FSD2: variants seen among roughly 807,000 people sequenced by gnomAD.
FSD2 encodes fibronectin type III and SPRY domain-containing protein 2.
Under a neutral mutation model 80.4 loss-of-function variants are expected in FSD2, and 71 were observed. That is an observed-to-expected ratio of 0.88 (90% CI 0.73 to 1.08). The LOEUF (loss-of-function observed/expected upper bound fraction) is 1.08, where lower values mean the gene tolerates loss of function less well. Among genes scored for constraint, FSD2 ranks in the 50% least tolerant of loss-of-function variants. The pLI is 0.00. For missense variants in FSD2, 923 were observed against 913.8 expected (o/e 1.01, Z -0.13); for synonymous variants, 361 against 329.5 (o/e 1.10, Z -1.03).
At chr15:82,769,622 AG>A (rs2049512763) in intron 8 of FSD2, 127 bp downstream of exon 8, 1 of 1,200,274 alleles carries the variant, frequency 8.3e-7, no homozygotes, top group African/African-American at 1.5e-5. Context: ...GTTAAATAAA[AG>A]AAAAAAATGT....
chr15:82,756,097 A>G lies in FSD2; in HGVS notation c.*3251T>C, dbSNP rs921661275. The G allele has an allele frequency of 1.3e-5, 6 of 452,710 alleles. No homozygotes were observed. The East Asian group carries it at 2.9e-4, about 22-fold the overall frequency. The allele number at this position is 452,710 out of a possible 1,614,324, so 28.0% of individuals were successfully genotyped here. ...ATTACACGCTTTCCATTGTCTTCCT[A>G]TAGAAAATAGGAGTAGTACACTTAT... On this transcript the variant is annotated 3_prime_UTR_variant, in exon 13 of 13. Transcript: ENST00000334574.
intron 1 of FSD2, among the ~76,000 whole-genome samples, chr15:82,790,555 T>TGTGTGTGTGTGTTCGTGC (rs1555480725): frequency 2.0e-5 from 3 of 151,514 alleles, no homozygotes; most frequent in African/African-American, 7.3e-5. Context: ...TGTGTGTGTG[T>TGTGTGTGTGTGTTCGTGC]GTGTGTGTGT....
intron 6 of FSD2, among the ~76,000 whole-genome samples, chr15:82,775,980 C>T (rs1006608955): frequency 1.3e-5 from 2 of 152,122 alleles, no homozygotes; most frequent in African/African-American, 4.8e-5. Flanking sequence ...TTTCATACCA[C>T]TGTGGTCATA....
At chr15:82,789,712 A>G (rs1026244258) in intron 1 of FSD2, among the ~76,000 whole-genome samples, 1 of 152,202 alleles carries the variant, frequency 6.6e-6, no homozygotes, top group African/African-American at 2.4e-5. Context: ...TGCTTGCCAC[A>G]AACATCTGCC....
intron 11 of FSD2, among the ~76,000 whole-genome samples, chr15:82,763,158 A>T (rs1022758313): frequency 6.6e-6 from 1 of 152,208 alleles, no homozygotes; most frequent in African/African-American, 2.4e-5. Flanking sequence ...TGTTGTTTCA[A>T]ATTCAGAATG....
rs752965510 is a variant in FSD2, at chr15:82,760,014, G to C, written c.1998-414C>G. ...TCACTGTGTTGCCCAGGCTGGTCTCGAACTCCTGAGCTCAGGCAGTCCACT... is the reference window on the plus strand; with the variant it reads ...TCACTGTGTTGCCCAGGCTGGTCTCCAACTCCTGAGCTCAGGCAGTCCACT... On this transcript the variant is annotated intron_variant, in intron 12 of 12. Coordinates refer to ENST00000334574, the MANE Select transcript of FSD2 (RefSeq NM_001007122.4). Among the ~76,000 whole-genome samples, 23 of 152,032 alleles carry C rather than the reference G, an allele frequency of 1.5e-4. 1 individual carries two copies. Among genetic ancestry groups the C allele is most frequent in the Non-Finnish European group, 4.4e-5 (3 of 68,012 alleles).
rs1207297146 is a variant in FSD2, at chr15:82,755,981, TG to T, written c.*3366del. Reference sequence around the variant, plus strand: ...GAAAATAGAGTCCTTGAAATCAAGCTGACTCTGCTTTTAGCCTCCTAAATGA... The same window carrying T: ...GAAAATAGAGTCCTTGAAATCAAGCTACTCTGCTTTTAGCCTCCTAAATGA... On this transcript the variant is annotated 3_prime_UTR_variant, in exon 13 of 13. Transcript: ENST00000334574. 1 of 517,268 alleles carries T rather than the reference TG, an allele frequency of 1.9e-6. No homozygotes were observed. The highest frequency in any genetic ancestry group is 1.9e-5 in the Admixed American group (1 of 51,508). The allele number at this position is 517,268 out of a possible 1,614,324, so 32.0% of individuals were successfully genotyped here. A position where few individuals can be genotyped will look rare whatever the true frequency, so the allele number is the denominator to read the frequency against.
intron 8 of FSD2, 31 bp downstream of exon 8, chr15:82,769,719 G>A: frequency 1.9e-6 from 3 of 1,584,700 alleles, no homozygotes; most frequent in Non-Finnish European, 1.7e-6. Flanking sequence ...TTGAATGAAA[G>A]CCCTGCTATA....
rs114087747 is a variant in FSD2, at chr15:82,803,173, T to A, written c.-79+2793A>T. On this transcript the variant is annotated intron_variant, in intron 1 of 12. Coordinates refer to ENST00000334574, the MANE Select transcript of FSD2 (RefSeq NM_001007122.4). ...TACTTCTCCTTCCTAAAGCACAGAG[T>A]CTGTGCCAAAATCCCACTATTTCCC... Among the ~76,000 whole-genome samples, 1,161 of 152,132 alleles carry A rather than the reference T, an allele frequency of 7.6e-3. 10 individuals carry two copies. Among genetic ancestry groups the A allele is most frequent in the African/African-American group, 0.025 (1,051 of 41,468 alleles).
intron 7 of FSD2, 23 bp from the exon 8 acceptor site, chr15:82,769,907 A>T: frequency 6.2e-7 from 1 of 1,612,228 alleles, no homozygotes; most frequent in Non-Finnish European, 8.5e-7. Flanking sequence ...AAAGATAAGA[A>T]TTCAACCCTA....
At chr15:82,769,372 C>T (rs1322252847) in intron 8 of FSD2, among the ~76,000 whole-genome samples, 1 of 151,696 alleles carries the variant, frequency 6.6e-6, no homozygotes, top group Non-Finnish European at 1.5e-5. Flanking sequence ...GAGTTCGAGA[C>T]CAACCTGGCC....
At chr15:82,760,886 C>T (rs570976323) in intron 12 of FSD2, among the ~76,000 whole-genome samples, 3 of 152,298 alleles carry the variant, frequency 2.0e-5, no homozygotes, top group Non-Finnish European at 2.9e-5. Context: ...CTTCCCTCTA[C>T]ACGTGGACTT....
intron 6 of FSD2, among the ~76,000 whole-genome samples, chr15:82,776,913 C>G (rs954681561): frequency 8.6e-5 from 13 of 152,012 alleles, no homozygotes; most frequent in Non-Finnish European, 1.5e-4. Context: ...AATTGAGAGC[C>G]CAGTAATAAA....
chr15:82,762,063 A>C, intron 12 of FSD2, 39 bp downstream of exon 12: 1 of 1,505,966 alleles, frequency 6.6e-7, no homozygotes. Context: ...AATCTTTCAA[A>C]AGCAAATTTT....
Position 82,772,139 on chromosome 15 carries a change from T to G in FSD2, c.1201A>C (p.Thr401Pro). 6.2e-7 allele frequency: 1 copy of G among 1,610,596 alleles called. No homozygotes were observed. The highest frequency in any genetic ancestry group is 8.5e-7 in the Non-Finnish European group (1 of 1,178,664). The change falls in exon 7 of 13, where the codon ACT becomes CCT. Residue 401 changes from threonine (T) to proline (P), a missense_variant. By Grantham distance (38) the Thr-to-Pro change is conservative (BLOSUM62 -1). Coordinates refer to ENST00000334574, the MANE Select transcript of FSD2 (RefSeq NM_001007122.4). Reference sequence around the variant, plus strand: ...TAGGACAGCTGATAGCTCTCCACAGTGTCGTCGGAGTATAAGCTCCAGCAC... The same window carrying G: ...TAGGACAGCTGATAGCTCTCCACAGGGTCGTCGGAGTATAAGCTCCAGCAC... ...RVCWSLYSDDTVESYQLSYRP... is the reference protein window; with the variant it reads ...RVCWSLYSDDPVESYQLSYRP...
chr15:82,768,306 C>T (rs373746593), intron 9 of FSD2, among the ~76,000 whole-genome samples: 4 of 152,236 alleles, frequency 2.6e-5, no homozygotes, highest in Admixed American at 6.5e-5. Flanking sequence ...CCCCTCCCCC[C>T]GAAGCACCCC....
At chr15:82,778,131 T>C (rs1424420451) in intron 6 of FSD2, among the ~76,000 whole-genome samples, 67 of 118,560 alleles carry the variant, frequency 5.7e-4, no homozygotes, top group African/African-American at 2.6e-3. Context: ...AAAAACCATA[T>C]ATATATATAT....
intron 7 of FSD2, among the ~76,000 whole-genome samples, chr15:82,771,681 C>T (rs1332727205): frequency 6.6e-6 from 1 of 152,218 alleles, no homozygotes; most frequent in Non-Finnish European, 1.5e-5. Flanking sequence ...GTTTCTTCTG[C>T]AGCACAAGGC....
chr15:82,790,439 C>T (rs186050914), intron 1 of FSD2, among the ~76,000 whole-genome samples: 1 of 152,286 alleles, frequency 6.6e-6, no homozygotes, highest in Non-Finnish European at 1.5e-5. Context: ...GGTATTTCCT[C>T]TAATAAAATT....
Sources: allele counts gnomAD v4.1 joint callset (sites outside exome capture counted in the v4.1 genomes callset), GRCh38; gene constraint gnomAD v4.1.1; transcripts MANE v1.5; gene names NCBI Gene and HGNC (gene_info 2026-07-23, HGNC 2026-07-21).